The following WWOX variants were observed in gnomAD, a reference collection of about 807,000 sequenced individuals.
WWOX encodes the protein WW domain containing oxidoreductase, also known as WW domain-containing oxidoreductase.
Under a neutral mutation model 46.2 loss-of-function variants are expected in WWOX, and 69 were observed. That is an observed-to-expected ratio of 1.49 (90% CI 1.23 to 1.82). The LOEUF (loss-of-function observed/expected upper bound fraction) is 1.82. Ranked by LOEUF, WWOX falls within the 40% of genes most tolerant of loss-of-function variation. The probability of loss-of-function intolerance (pLI) is 0.00; values close to 1 mark genes in which losing one functional copy is unlikely to be tolerated. For synonymous variants in WWOX, 359 were observed against 202.6 expected (o/e 1.77, Z -6.56); for missense variants, 919 against 542.6 (o/e 1.69, Z -6.89).
intron 4 of WWOX, chr16:78,123,756 C>A (rs2033236716): frequency 6.6e-6 from 1 of 151,342 alleles, no homozygotes; most frequent in Non-Finnish European, 1.5e-5. Context: ...GCACCCGCAA[C>A]CCTATGTTTT....
chr16:78,531,419 C>T (rs2043617940), intron 8 of WWOX, among the ~76,000 whole-genome samples: 1 of 152,188 alleles, frequency 6.6e-6, no homozygotes, highest in African/African-American at 2.4e-5. Flanking sequence ...AACAATTGGA[C>T]AGTAAGGATG....
intron 5 of WWOX, among the ~76,000 whole-genome samples, chr16:78,178,966 T>C (rs1477779090): frequency 6.6e-6 from 1 of 152,160 alleles, no homozygotes; most frequent in Non-Finnish European, 1.5e-5. Flanking sequence ...GGTCAAATGT[T>C]TACATGGGGC....
At chr16:78,893,869 A>G (rs2044643448) in intron 8 of WWOX, among the ~76,000 whole-genome samples, 1 of 152,148 alleles carries the variant, frequency 6.6e-6, no homozygotes, top group South Asian at 2.1e-4. Context: ...CTAGCAAGCT[A>G]GAACACAAGA....
intron 8 of WWOX, among the ~76,000 whole-genome samples, chr16:78,963,543 G>A (rs1362494010): frequency 1.3e-5 from 2 of 152,196 alleles, no homozygotes; most frequent in African/African-American, 2.4e-5. Flanking sequence ...AAACACTTAA[G>A]CAGGTGTGTC....
chr16:78,732,858 C>T (rs1431582892), intron 8 of WWOX, among the ~76,000 whole-genome samples: 3 of 152,112 alleles, frequency 2.0e-5, no homozygotes, highest in African/African-American at 4.8e-5. Context: ...GAATTATCTC[C>T]CTTAGGTTTG....
chr16:78,521,132 T>C (rs2043339809), intron 8 of WWOX, among the ~76,000 whole-genome samples: 1 of 152,224 alleles, frequency 6.6e-6, no homozygotes, highest in Admixed American at 6.5e-5. Flanking sequence ...TTGACAGCTG[T>C]CTTATATAAC....
chr16:78,986,254 G>C (rs2046782262), intron 8 of WWOX, among the ~76,000 whole-genome samples: 2 of 152,180 alleles, frequency 1.3e-5, no homozygotes, highest in Non-Finnish European at 1.5e-5. Flanking sequence ...ATTGAAAATA[G>C]TTAATCAGTT....
chr16:78,926,925 T>C (rs547198986), intron 8 of WWOX, among the ~76,000 whole-genome samples: 73 of 152,270 alleles, frequency 4.8e-4, no homozygotes, highest in South Asian at 1.4e-3. Flanking sequence ...GCTTCCTAAG[T>C]AGCTGGGAGC....
At chr16:78,998,698 T>G (rs1352002185) in intron 8 of WWOX, among the ~76,000 whole-genome samples, 1 of 152,236 alleles carries the variant, frequency 6.6e-6, no homozygotes, top group Non-Finnish European at 1.5e-5. Flanking sequence ...AAGGACTCTT[T>G]CATTATCGTT....
chr16:78,888,496 C>G (rs2044516198), intron 8 of WWOX, among the ~76,000 whole-genome samples: 1 of 152,174 alleles, frequency 6.6e-6, no homozygotes, highest in Admixed American at 6.6e-5. Context: ...TAACTGACAG[C>G]TCTAGGCAGA....
intron 8 of WWOX, among the ~76,000 whole-genome samples, chr16:79,165,265 G>T (rs944818148): frequency 2.6e-5 from 4 of 152,066 alleles, no homozygotes; most frequent in Non-Finnish European, 5.9e-5. Flanking sequence ...CAATGACCTT[G>T]CCATTGCGGA....
chr16:78,606,635 G>C (rs746103974), intron 8 of WWOX, among the ~76,000 whole-genome samples: 2 of 151,066 alleles, frequency 1.3e-5, no homozygotes, highest in Non-Finnish European at 2.9e-5. Context: ...TCAGTGACAC[G>C]AAGTTGAATA....
intron 8 of WWOX, among the ~76,000 whole-genome samples, chr16:78,705,817 C>A (rs762069321): frequency 6.6e-6 from 1 of 152,084 alleles, no homozygotes; most frequent in South Asian, 2.1e-4. Flanking sequence ...AAGAATAAAA[C>A]AAAAACCCTA....
chr16:79,173,721 T>C (rs1256091929), intron 8 of WWOX, among the ~76,000 whole-genome samples: 1 of 151,358 alleles, frequency 6.6e-6, no homozygotes, highest in East Asian at 1.9e-4. Flanking sequence ...TAAATCATAG[T>C]ATATTCACTT....
chr16:79,084,363 C>T (rs1258764758), intron 8 of WWOX, among the ~76,000 whole-genome samples: 1 of 151,986 alleles, frequency 6.6e-6, no homozygotes, highest in Non-Finnish European at 1.5e-5. Flanking sequence ...CAAATAATAC[C>T]AGGAATAAAT....
At chr16:79,042,177 G>C (rs942849042) in intron 8 of WWOX, among the ~76,000 whole-genome samples, 2 of 152,158 alleles carry the variant, frequency 1.3e-5, no homozygotes, top group Admixed American at 6.5e-5. Flanking sequence ...GATGCACACA[G>C]TGATTGAGTG....
chr16:78,836,698 G>A (rs2051994566), intron 8 of WWOX, among the ~76,000 whole-genome samples: 1 of 152,164 alleles, frequency 6.6e-6, no homozygotes, highest in Non-Finnish European at 1.5e-5. Context: ...AAATACTGTA[G>A]CAGCTCACTT....
At chr16:79,103,419 T>C (rs911027879) in intron 8 of WWOX, among the ~76,000 whole-genome samples, 1 of 152,212 alleles carries the variant, frequency 6.6e-6, no homozygotes, top group African/African-American at 2.4e-5. Flanking sequence ...GGGAAATGTT[T>C]AGGGGCTCAA....
chr16:78,562,762 C>T (rs1423063739), intron 8 of WWOX, among the ~76,000 whole-genome samples: 2 of 152,200 alleles, frequency 1.3e-5, no homozygotes, highest in Non-Finnish European at 2.9e-5. Flanking sequence ...AGATCTTTAA[C>T]TCAGGGAAGA....
Sources: allele counts gnomAD v4.1 joint callset (sites outside exome capture counted in the v4.1 genomes callset), GRCh38; gene constraint gnomAD v4.1.1; transcripts MANE v1.5; gene names NCBI Gene and HGNC (gene_info 2026-07-23, HGNC 2026-07-21).